BLOC1S2: variants seen among roughly 807,000 people sequenced by gnomAD.
BLOC1S2 encodes the protein biogenesis of lysosome-related organelles complex 1 subunit 2.
BLOC1S2 carries 12 observed loss-of-function variants against 19.6 expected under a neutral mutation model. The ratio of observed to expected loss-of-function variants is 0.61; its 90% CI spans 0.39 to 0.99. The LOEUF is 0.99. Ranked by LOEUF, BLOC1S2 falls within the 50% of genes least tolerant of loss-of-function variation. BLOC1S2 has a pLI of 0.00. For synonymous variants in BLOC1S2, 66 were observed against 64.1 expected (o/e 1.03, Z -0.14); for missense variants, 142 against 171.0 (o/e 0.83, Z 0.95).
chr10:100,276,078 T>A (rs1042478156), intron 4 of BLOC1S2, among the ~76,000 whole-genome samples: 9 of 152,128 alleles, frequency 5.9e-5, no homozygotes, highest in Admixed American at 6.6e-5. Flanking sequence ...CAAGATACTT[T>A]CTACATGGTA....
chr10:100,277,046 C>G (rs1338927095), intron 4 of BLOC1S2, among the ~76,000 whole-genome samples: 1 of 150,890 alleles, frequency 6.6e-6, no homozygotes, highest in Non-Finnish European at 1.5e-5. Flanking sequence ...GCCATCCCAC[C>G]TGGGAAGTGA....
At chr10:100,276,957 G>A (rs1414166493) in intron 4 of BLOC1S2, among the ~76,000 whole-genome samples, 2 of 152,056 alleles carry the variant, frequency 1.3e-5, no homozygotes, top group East Asian at 3.9e-4. Context: ...TCTCTGCCTG[G>A]CTGCCCATCG....
Position 100,285,576 on chromosome 10 carries a change from T to G in BLOC1S2, c.172+521A>C, listed in dbSNP as rs534343176. ...CCCATACTTCACTTTCTGATCCTCC[T>G]CCACACATAGGTCATGTGTCCACTT... On this transcript the variant is annotated intron_variant, in intron 2 of 4. Coordinates refer to ENST00000370372, the MANE Select transcript of BLOC1S2 (RefSeq NM_173809.5). 2.3e-4 allele frequency among the ~76,000 whole-genome samples: 35 copies of G among 152,286 alleles called. No homozygotes were observed. The South Asian group carries it at 7.2e-3, about 32-fold the overall frequency.
chr10:100,277,589 G>A (rs1374162390), intron 4 of BLOC1S2, among the ~76,000 whole-genome samples: 6 of 114,108 alleles, frequency 5.3e-5, no homozygotes, highest in African/African-American at 1.1e-4. Flanking sequence ...CAGCCGCTCC[G>A]TCCGGGAGGG....
chr10:100,281,134 G>A, intron 2 of BLOC1S2, 81 bp from the exon 3 acceptor site: 1 of 1,534,498 alleles, frequency 6.5e-7, no homozygotes, highest in Middle Eastern at 2.3e-4. Flanking sequence ...CTAAGTGGTA[G>A]TTCAAGGCAG....
In BLOC1S2 at chr10:100,275,851, C is replaced by G. The variant is rs992441802; in HGVS notation, c.398-358G>C. Among the ~76,000 whole-genome samples the G allele has an allele frequency of 5.3e-5, 8 of 152,224 alleles. No homozygotes were observed. In the East Asian group the frequency reaches 7.7e-4, roughly 15 times the overall value. ...GTCCCAGGTGCCCTCTGGAACCAGA[C>G]TGGAACCCTCAGGAAGTATAAATGT... On this transcript the variant is annotated intron_variant, in intron 4 of 4. Coordinates refer to ENST00000370372, the MANE Select transcript of BLOC1S2 (RefSeq NM_173809.5).
intron 2 of BLOC1S2, among the ~76,000 whole-genome samples, chr10:100,281,711 T>TATACAC (rs145255638): frequency 7.5e-6 from 1 of 132,540 alleles, no homozygotes; most frequent in Non-Finnish European, 1.6e-5. Flanking sequence ...TATATACACA[T>TATACAC]ACACACACAC....
At chr10:100,279,417 C>A (rs1848040699) in intron 4 of BLOC1S2, among the ~76,000 whole-genome samples, 1 of 152,154 alleles carries the variant, frequency 6.6e-6, no homozygotes, top group Middle Eastern at 3.2e-3. Flanking sequence ...AACCAGTTTC[C>A]TTGCCTACAA....
intron 4 of BLOC1S2, among the ~76,000 whole-genome samples, chr10:100,275,965 G>A (rs1432304814): frequency 6.6e-6 from 1 of 151,982 alleles, no homozygotes; most frequent in Non-Finnish European, 1.5e-5. Context: ...CATCAAATAA[G>A]CCTCTTACTC....
At chr10:100,277,346 C>CA (rs1451321930) in intron 4 of BLOC1S2, among the ~76,000 whole-genome samples, 13 of 134,790 alleles carry the variant, frequency 9.6e-5, no homozygotes, top group Non-Finnish European at 1.3e-4. Context: ...GTCAGCCCCC[C>CA]GCCCGGCCAG....
chr10:100,283,627 T>C (rs889892961), intron 2 of BLOC1S2, among the ~76,000 whole-genome samples: 2 of 152,128 alleles, frequency 1.3e-5, no homozygotes, highest in Non-Finnish European at 2.9e-5. Flanking sequence ...TCCCAGCACT[T>C]TGGGAGGCCA....
intron 2 of BLOC1S2, among the ~76,000 whole-genome samples, chr10:100,284,849 G>A (rs1380303998): frequency 6.6e-6 from 1 of 151,712 alleles, no homozygotes; most frequent in East Asian, 1.9e-4. Context: ...CAGGCAGAGT[G>A]GTGGTAAAAG....
intron 2 of BLOC1S2, among the ~76,000 whole-genome samples, chr10:100,283,543 C>T (rs1019186157): frequency 6.6e-6 from 1 of 151,970 alleles, no homozygotes; most frequent in Non-Finnish European, 1.5e-5. Context: ...TCTACACTCT[C>T]ATATTTATAC....
chr10:100,276,141 G>A (rs1365056315), intron 4 of BLOC1S2, among the ~76,000 whole-genome samples: 2 of 152,136 alleles, frequency 1.3e-5, no homozygotes, highest in South Asian at 2.1e-4. Flanking sequence ...CTGGCTAAAT[G>A]TAACTGTAGA....
chr10:100,278,225 C>CT (rs1847992994), intron 4 of BLOC1S2, among the ~76,000 whole-genome samples: 1 of 150,602 alleles, frequency 6.6e-6, no homozygotes, highest in Admixed American at 6.6e-5. Context: ...GTCAGCCCCC[C>CT]GCCTGGCCAG....
intron 2 of BLOC1S2, 104 bp from the exon 3 acceptor site, chr10:100,281,157 G>C (rs1327339505): frequency 7.3e-7 from 1 of 1,373,426 alleles, no homozygotes; most frequent in East Asian, 2.3e-5. Context: ...CCAAGGAAGT[G>C]TCAAAGGAGT....
Position 100,275,413 on chromosome 10 carries a change from A to G in BLOC1S2, c.*49T>C, listed in dbSNP as rs373459377. ...CCTCAGGATTCAGGTTTTATAAGAC[A>G]TTCTTCCACATTAAAAAAAAAAGAC... On this transcript the variant is annotated 3_prime_UTR_variant, in exon 5 of 5. Transcript: ENST00000370372. 4.5e-6 allele frequency: 7 copies of G among 1,538,758 alleles called. No homozygotes were observed. The African/African-American group carries it at 9.7e-5, about 21-fold the overall frequency.
At chr10:100,278,161 G>T (rs1236677485) in intron 4 of BLOC1S2, among the ~76,000 whole-genome samples, 13 of 141,136 alleles carry the variant, frequency 9.2e-5, no homozygotes, top group Non-Finnish European at 2.0e-4. Flanking sequence ...GAGGGAGGTG[G>T]GGGGGTCAGC....
chr10:100,286,600 G>T lies in BLOC1S2; in HGVS notation c.55+5C>A. 6.2e-7 allele frequency: 1 copy of T among 1,612,816 alleles called. No individual in the cohort carries two copies. Among genetic ancestry groups the T allele is most frequent in the Non-Finnish European group, 8.5e-7 (1 of 1,179,266 alleles). On this transcript the variant is annotated splice_donor_5th_base_variant and intron_variant, in intron 1 of 4. Transcript: ENST00000370372. ...GGACGCTTCCTCCCCATCCATTCCG[G>T]GTACCTCGGGCGGGCTCATCACTCC...
Sources: gnomAD v4.1 joint callset for allele counts (sites outside exome capture counted in the v4.1 genomes callset) on GRCh38, gnomAD v4.1.1 for gene constraint, MANE v1.5 for transcripts, NCBI Gene and HGNC (gene_info 2026-07-23, HGNC 2026-07-21) for gene names.